Variants in PLEKHA7 observed in about 807,000 individuals in gnomAD.
PLEKHA7 encodes pleckstrin homology domain containing A7.
Under a neutral mutation model 170.0 loss-of-function variants are expected in PLEKHA7, and 104 were observed. That is an observed-to-expected ratio of 0.61 (90% CI 0.52 to 0.72). The LOEUF (loss-of-function observed/expected upper bound fraction) is 0.72, where lower values mean the gene tolerates loss of function less well. PLEKHA7 is among the 30% of genes least tolerant of loss of function. The probability of loss-of-function intolerance (pLI) is 0.00; values close to 1 mark genes in which losing one functional copy is unlikely to be tolerated. For synonymous variants in PLEKHA7, 648 were observed against 660.8 expected (o/e 0.98, Z 0.30); for missense variants, 1,615 against 1,671.7 (o/e 0.97, Z 0.59).
intron 3 of PLEKHA7, among the ~76,000 whole-genome samples, chr11:16,910,324 G>A (rs1858156170): frequency 6.6e-6 from 1 of 152,220 alleles, no homozygotes; most frequent in Admixed American, 6.5e-5. Context: ...CAGGGTGGCA[G>A]GCAAATTGCA....
chr11:16,942,403 T>C (rs1253642560), intron 3 of PLEKHA7, among the ~76,000 whole-genome samples: 25 of 152,206 alleles, frequency 1.6e-4, no homozygotes, highest in Admixed American at 6.5e-5. Context: ...TACTGTGAAG[T>C]AGACATTGGG....
intron 13 of PLEKHA7, among the ~76,000 whole-genome samples, chr11:16,811,270 G>A (rs1249588368): frequency 2.6e-5 from 4 of 152,140 alleles, no homozygotes; most frequent in Middle Eastern, 3.2e-3. Flanking sequence ...CTCTGGCCCC[G>A]TGCACTAAAC....
chr11:17,008,291 C>G (rs911727925), intron 3 of PLEKHA7, among the ~76,000 whole-genome samples: 2 of 152,144 alleles, frequency 1.3e-5, no homozygotes, highest in African/African-American at 4.8e-5. Context: ...TGCCAAGGGC[C>G]CAGCAGCCAG....
chr11:16,946,885 G>T (rs1861065128), intron 3 of PLEKHA7, among the ~76,000 whole-genome samples: 1 of 152,080 alleles, frequency 6.6e-6, no homozygotes, highest in Non-Finnish European at 1.5e-5. Context: ...CAAAGTGGAA[G>T]AAGAAGGAGA....
chr11:16,782,098 C>T (rs1849065447), intron 26 of PLEKHA7, among the ~76,000 whole-genome samples: 1 of 151,626 alleles, frequency 6.6e-6, no homozygotes, highest in African/African-American at 2.4e-5. Context: ...TACACACAGT[C>T]ACACACACAC....
intron 13 of PLEKHA7, 62 bp from the exon 14 acceptor site, chr11:16,803,357 G>C: frequency 3.3e-6 from 5 of 1,522,908 alleles, no homozygotes; most frequent in Non-Finnish European, 4.6e-6. Flanking sequence ...ACTCAGGAAA[G>C]AAAATTCATC....
chr11:16,912,457 C>T (rs935004077), intron 3 of PLEKHA7, among the ~76,000 whole-genome samples: 1 of 152,182 alleles, frequency 6.6e-6, no homozygotes, highest in Non-Finnish European at 1.5e-5. Context: ...AATACTCTGA[C>T]ATGGATATTT....
Position 16,870,287 on chromosome 11 carries a change from C to T in PLEKHA7, c.305+812G>A, listed in dbSNP as rs144188271. Among the ~76,000 whole-genome samples the T allele has an allele frequency of 5.8e-4, 88 of 152,110 alleles. No homozygotes were observed. In the East Asian group the frequency reaches 0.016, roughly 28 times the overall value. On this transcript the variant is annotated intron_variant, in intron 4 of 26. Transcript: ENST00000531066. Reference sequence around the variant, plus strand: ...ATTCAGCTCAGTCTGAGGGTACACCCCCTACCCCCACCCCCACACACACAC... The same window carrying T: ...ATTCAGCTCAGTCTGAGGGTACACCTCCTACCCCCACCCCCACACACACAC...
At chr11:16,950,332 T>C (rs1435207362) in intron 3 of PLEKHA7, among the ~76,000 whole-genome samples, 5 of 152,124 alleles carry the variant, frequency 3.3e-5, no homozygotes, top group African/African-American at 4.8e-5. Flanking sequence ...AGAGCAATGA[T>C]GGAAAGAGAT....
intron 3 of PLEKHA7, among the ~76,000 whole-genome samples, chr11:16,921,344 G>A (rs1209535849): frequency 1.3e-5 from 2 of 152,084 alleles, no homozygotes; most frequent in African/African-American, 4.8e-5. Flanking sequence ...TGCAAAAAGG[G>A]TTACAATCCC....
chr11:16,803,206 C>A lies in PLEKHA7; in HGVS notation c.2076+21G>T, dbSNP rs369278836. The stretch of plus-strand genomic sequence containing the variant: ...GGTCAGGAGGCAGCTGAGGGGTCAG[C>A]GTGTCACTCTGCTCACTCACGTCAG... On this transcript the variant is annotated intron_variant, in intron 14 of 26. Coordinates refer to ENST00000531066, the MANE Select transcript of PLEKHA7 (RefSeq NM_001329630.2). 6.5e-5 allele frequency: 104 copies of A among 1,609,384 alleles called. 1 individual carries two copies. The African/African-American group carries it at 1.2e-3, about 19-fold the overall frequency.
At chr11:16,905,251 T>C (rs1774510587) in intron 3 of PLEKHA7, among the ~76,000 whole-genome samples, 1 of 152,112 alleles carries the variant, frequency 6.6e-6, no homozygotes, top group Non-Finnish European at 1.5e-5. Flanking sequence ...GAAGATCCTG[T>C]CTCAAATTTT....
intron 10 of PLEKHA7, among the ~76,000 whole-genome samples, chr11:16,819,588 A>T (rs1055142450): frequency 6.6e-6 from 1 of 152,238 alleles, no homozygotes; most frequent in African/African-American, 2.4e-5. Context: ...ATATTGTGCC[A>T]GACATTGTTC....
chr11:16,930,299 A>G (rs1320415840), intron 3 of PLEKHA7, among the ~76,000 whole-genome samples: 1 of 152,094 alleles, frequency 6.6e-6, no homozygotes, highest in Non-Finnish European at 1.5e-5. Context: ...CAGTATAGGT[A>G]GATGGGCATG....
At chr11:16,863,492 A>G (rs945395350) in intron 4 of PLEKHA7, among the ~76,000 whole-genome samples, 1 of 152,134 alleles carries the variant, frequency 6.6e-6, no homozygotes, top group Admixed American at 6.5e-5. Flanking sequence ...TCAGCACACA[A>G]GCGGGCCCCT....
chr11:16,930,155 A>G (rs75122036), intron 3 of PLEKHA7, among the ~76,000 whole-genome samples: 6,093 of 152,306 alleles, frequency 0.04, 324 homozygotes, highest in Admixed American at 0.15. Context: ...GGGCTCATAG[A>G]CCAGAGGAAG....
chr11:16,883,349 C>G (rs1855850437), intron 3 of PLEKHA7, among the ~76,000 whole-genome samples: 1 of 152,202 alleles, frequency 6.6e-6, no homozygotes, highest in African/African-American at 2.4e-5. Flanking sequence ...TTAGTGACAG[C>G]TATCTTGGGA....
intron 5 of PLEKHA7, 196 bp downstream of exon 5, chr11:16,855,607 G>A: frequency 1.7e-6 from 1 of 588,120 alleles, no homozygotes; most frequent in Non-Finnish European, 3.0e-6. Context: ...TGCTGGGTCT[G>A]TCAGCAATCA....
chr11:16,985,576 T>A (rs75462198), intron 3 of PLEKHA7, among the ~76,000 whole-genome samples: 12,357 of 152,072 alleles, frequency 0.081, 927 homozygotes, highest in African/African-American at 0.18. Context: ...CTAGACAGCC[T>A]AAGAGGGGCA....
Sources: gnomAD v4.1 joint callset for allele counts (sites outside exome capture counted in the v4.1 genomes callset) on GRCh38, gnomAD v4.1.1 for gene constraint, MANE v1.5 for transcripts, NCBI Gene and HGNC (gene_info 2026-07-23, HGNC 2026-07-21) for gene names.